Variants in PREB observed in about 807,000 individuals in gnomAD.
PREB encodes the protein guanine nucleotide-exchange factor SEC12.
Under a neutral mutation model 46.7 loss-of-function variants are expected in PREB, and 29 were observed. The ratio of observed to expected loss-of-function variants is 0.62; its 90% confidence interval spans 0.46 to 0.85. The LOEUF (loss-of-function observed/expected upper bound fraction) is 0.85. PREB is among the 40% of genes least tolerant of loss of function. The pLI is 0.00. For missense variants in PREB, 494 were observed against 528.4 expected (o/e 0.93, Z 0.64); for synonymous variants, 224 against 220.1 (o/e 1.02, Z -0.16).
chr2:27,133,310 C>T lies in PREB; in HGVS notation c.353G>A (p.Arg118Lys), dbSNP rs749692060. 6.2e-7 allele frequency: 1 copy of T among 1,614,200 alleles called. No homozygotes were observed. Among genetic ancestry groups the T allele is most frequent in the Admixed American group, 1.7e-5 (1 of 60,026 alleles). ...CTTCTCTGCTGGGGCTGCTCCCTTCCTTTGTCGAGGCCCCTGCTCCTTGGA... is the reference window on the plus strand; with the variant it reads ...CTTCTCTGCTGGGGCTGCTCCCTTCTTTTGTCGAGGCCCCTGCTCCTTGGA... ...AGSKEQGPRQ[R>K]KGAAPAEKKC... Residue 118 changes from arginine to lysine, a missense_variant, in exon 3 of 9, where the codon AGG (arginine) becomes AAG (lysine). Arg to Lys is a conservative substitution (Grantham distance 26). Transcript: ENST00000260643.
Position 27,132,456 on chromosome 2 carries a change from CAG to C in PREB, c.753-55_753-54del. 6.3e-7 allele frequency: 1 copy of C among 1,593,454 alleles called. No homozygotes were observed. Among genetic ancestry groups the C allele is most frequent in the Non-Finnish European group, 8.6e-7 (1 of 1,169,030 alleles). On this transcript the variant is annotated intron_variant, in intron 5 of 8. Transcript: ENST00000260643. The surrounding 1 kb of genome is among the most constrained non-coding windows in gnomAD (Gnocchi z 4.0). ...CTCCTAGGGCCTGCCCAACCCTCCT[CAG>C]AGGTTTGTGCACCACCTGCACCCTG...
chr2:27,133,709 G>C lies in PREB; in HGVS notation c.148C>G (p.Leu50Val). 6.2e-7 allele frequency: 1 copy of C among 1,613,926 alleles called. No individual in the cohort carries two copies. The highest frequency in any genetic ancestry group is 8.5e-7 in the Non-Finnish European group (1 of 1,179,878). The change falls in exon 2 of 9, where the codon CTA becomes GTA. Residue 50 changes from leucine (L) to valine (V), a missense_variant. Transcript: ENST00000260643. ...GIKNGVHFLQ[L>V]ELINGRLSAS... Reference sequence around the variant, plus strand: ...CTCAAGCGCCCATTAATCAGCTCTAGCTGCAGAAAGTGCTGTGGGAGGGGG... The same window carrying C: ...CTCAAGCGCCCATTAATCAGCTCTACCTGCAGAAAGTGCTGTGGGAGGGGG...
At position 27,134,624 on chromosome 2, in the gene PREB, G is replaced by A; in HGVS notation, c.-203C>T. 7.8e-7 allele frequency: 1 copy of A among 1,286,902 alleles called. No homozygotes were observed. The highest frequency in any genetic ancestry group is 2.3e-5 in the South Asian group (1 of 42,672). The allele number at this position is 1,286,902 out of a possible 1,614,324, so 79.7% of individuals were successfully genotyped here. On this transcript the variant is annotated 5_prime_UTR_variant, in exon 1 of 9. Coordinates refer to ENST00000260643, the MANE Select transcript of PREB (RefSeq NM_013388.6). ...GCTCGGCTCCGTCCAAGTCGGTCTCGCAGACGCGCACTGCGCATGCGCACC... is the reference window on the plus strand; with the variant it reads ...GCTCGGCTCCGTCCAAGTCGGTCTCACAGACGCGCACTGCGCATGCGCACC...
chr2:27,130,850 G>A lies in PREB; in HGVS notation c.*564C>T. ...CATTTTCCCATTCCTCAAGGTAAGG[G>A]TAGACTACCTAGGAACTTATTGCAT... On this transcript the variant is annotated 3_prime_UTR_variant, in exon 9 of 9. Transcript: ENST00000260643. 3.8e-6 allele frequency: 5 copies of A among 1,310,574 alleles called. No individual in the cohort carries two copies. The highest frequency in any genetic ancestry group is 4.3e-6 in the Non-Finnish European group (4 of 940,716). The allele number at this position is 1,310,574 out of a possible 1,614,324, so 81.2% of individuals were successfully genotyped here. A position where few individuals can be genotyped will look rare whatever the true frequency, so the allele number is the denominator to read the frequency against.
In PREB at chr2:27,131,145, C is replaced by G; in HGVS notation, c.*269G>C. On this transcript the variant is annotated 3_prime_UTR_variant, in exon 9 of 9. Coordinates refer to ENST00000260643, the MANE Select transcript of PREB (RefSeq NM_013388.6). ...GCTCAACTCTGGAGCCTCTGGTAGGCAGAAGAAAGGAGGCAGGGAGTATGG... is the reference window on the plus strand; with the variant it reads ...GCTCAACTCTGGAGCCTCTGGTAGGGAGAAGAAAGGAGGCAGGGAGTATGG... 1 of 539,914 alleles carries G rather than the reference C, an allele frequency of 1.9e-6. No individual in the cohort carries two copies. The highest frequency in any genetic ancestry group is 3.2e-5 in the East Asian group (1 of 31,658). 33.4% of individuals were successfully genotyped at this position (539,914 alleles called of 1,614,324 possible). A position where few individuals can be genotyped will look rare whatever the true frequency, so the allele number is the denominator to read the frequency against.
Position 27,132,469 on chromosome 2 carries a change from AC to A in PREB, c.753-67del. Reference sequence around the variant, plus strand: ...CCCAACCCTCCTCAGAGGTTTGTGCACCACCTGCACCCTGGTCAGACCTGGG... The same window carrying A: ...CCCAACCCTCCTCAGAGGTTTGTGCACACCTGCACCCTGGTCAGACCTGGG... On this transcript the variant is annotated intron_variant, in intron 5 of 8. Transcript: ENST00000260643. This position sits in a 1 kb window ranked among gnomAD's most constrained non-coding sequence, Gnocchi z 4.0. 1 of 1,589,298 alleles carries A rather than the reference AC, an allele frequency of 6.3e-7. No individual in the cohort carries two copies. Among genetic ancestry groups the A allele is most frequent in the Non-Finnish European group, 8.6e-7 (1 of 1,166,370 alleles).
chr2:27,132,311 A>G lies in PREB; in HGVS notation c.845T>C (p.Leu282Pro). ...GAAGTTGGAGCCATCCCAGGCTGTGAGGTAGCAGGGAGGGGGCTGGCGCAG... is the reference window on the plus strand; with the variant it reads ...GAAGTTGGAGCCATCCCAGGCTGTGGGGTAGCAGGGAGGGGGCTGGCGCAG... ...KRLRQPPPCY[L>P]TAWDGSNFLP... Residue 282 changes from leucine (L) to proline (P), a missense_variant, in exon 6 of 9, where the codon CTC becomes CCC. By Grantham distance (98) the Leu-to-Pro change is moderately conservative. Transcript: ENST00000260643. The surrounding 1 kb of genome is among the most constrained non-coding windows in gnomAD (Gnocchi z 4.0). The G allele has an allele frequency of 1.2e-6, 2 of 1,614,124 alleles. No homozygotes were observed. Among genetic ancestry groups the G allele is most frequent in the Non-Finnish European group, 8.5e-7 (1 of 1,179,988 alleles).
At position 27,132,858 on chromosome 2, in the gene PREB, T is replaced by TA; in HGVS notation, c.611dup (p.Leu204PhefsTer4). 2 of 1,587,514 alleles carry TA rather than the reference T, an allele frequency of 1.3e-6. No homozygotes were observed. On this transcript the variant is annotated frameshift_variant, in exon 4 of 9. Coordinates refer to ENST00000260643, the MANE Select transcript of PREB (RefSeq NM_013388.6). LOFTEE classifies it high-confidence loss of function. The surrounding 1 kb of genome is among the most constrained non-coding windows in gnomAD (Gnocchi z 4.0). ...AGCCCCTCACCTTGCCATCAGGCCC[T>TA]AAAGCCAGGTCTTCAATCTCCCCTT...
Position 27,133,713 on chromosome 2 carries a change from C to T in PREB, c.144G>A (p.Leu48=), listed in dbSNP as rs368529514. ...AGCGCCCATTAATCAGCTCTAGCTG[C>T]AGAAAGTGCTGTGGGAGGGGGAACC... The part of the protein sequence containing the change: ...KTGIKNGVHF[L]QLELINGRLS... The change falls in exon 2 of 9, where the codon CTG becomes CTA. Residue 48 remains leucine (L), a synonymous_variant. Coordinates refer to ENST00000260643, the MANE Select transcript of PREB (RefSeq NM_013388.6). 1.1e-5 allele frequency: 17 copies of T among 1,613,584 alleles called. No individual in the cohort carries two copies. In the African/African-American group the frequency reaches 2.0e-4, roughly 19 times the overall value.
chr2:27,131,229 T>C lies in PREB; in HGVS notation c.*185A>G, dbSNP rs535866620. The C allele has an allele frequency of 5.3e-5, 33 of 623,206 alleles. No homozygotes were observed. Among genetic ancestry groups the C allele is most frequent in the African/African-American group, 4.2e-4 (23 of 54,318 alleles). The allele number at this position is 623,206 out of a possible 1,614,324, so 38.6% of individuals were successfully genotyped here. ...CCACAGATGACGAAGGCAAGGTTCC[T>C]GGGACCTGGAGTCACACAGGGCCAT... is the stretch of plus-strand genomic sequence containing the variant. On this transcript the variant is annotated 3_prime_UTR_variant, in exon 9 of 9. Coordinates refer to ENST00000260643, the MANE Select transcript of PREB (RefSeq NM_013388.6).
At chr2:27,134,232 T>C in intron 1 of PREB, 55 bp downstream of exon 1, 1 of 1,491,182 alleles carries the variant, frequency 6.7e-7, no homozygotes, top group South Asian at 1.3e-5. Flanking sequence ...CCGGCCACCC[T>C]GGAATCGCCG....
Position 27,130,791 on chromosome 2 carries a change from A to T in PREB, c.*623T>A. The stretch of plus-strand genomic sequence containing the variant: ...CAGTTCACTCTTTCCTTGTTTATTA[A>T]ATATCAACTTTTCCTGCCTAATGGG... On this transcript the variant is annotated 3_prime_UTR_variant, in exon 9 of 9. Transcript: ENST00000260643. 1 of 1,586,102 alleles carries T rather than the reference A, an allele frequency of 6.3e-7. No individual in the cohort carries two copies. The highest frequency in any genetic ancestry group is 1.7e-4 in the Middle Eastern group (1 of 5,736).
chr2:27,131,925 G>A (rs2148417736), intron 7 of PREB, 85 bp downstream of exon 7: 1 of 1,592,740 alleles, frequency 6.3e-7, no homozygotes, highest in Non-Finnish European at 8.6e-7. Flanking sequence ...CCCTCGATAG[G>A]ATGGGCCAGA....
intron 1 of PREB, 143 bp from the exon 2 acceptor site, chr2:27,133,864 T>C: frequency 4.2e-6 from 3 of 706,912 alleles, no homozygotes; most frequent in Non-Finnish European, 6.6e-6. Context: ...CATTTGGGCC[T>C]CACAAATCTA....
Position 27,133,551 on chromosome 2 carries a change from G to GC in PREB, c.305dup (p.Asn103GlnfsTer50), listed in dbSNP as rs1672375609. ...CCTCACCGGCCTTCTCTGCCTTGTT[G>GC]CCCTGCTGTTGATGTGCCTGGAAGC... On this transcript the variant is annotated frameshift_variant, in exon 2 of 9. Transcript: ENST00000260643. LOFTEE classifies it high-confidence loss of function. 1.2e-6 allele frequency: 2 copies of GC among 1,613,748 alleles called. No individual in the cohort carries two copies. The highest frequency in any genetic ancestry group is 2.7e-5 in the African/African-American group (2 of 74,930).
At position 27,134,591 on chromosome 2, in the gene PREB, G is replaced by A. The variant is rs938635935; in HGVS notation, c.-170C>T. The A allele has an allele frequency of 6.0e-6, 8 of 1,342,226 alleles. No individual in the cohort carries two copies. The highest frequency in any genetic ancestry group is 3.1e-5 in the African/African-American group (2 of 64,540). The allele number at this position is 1,342,226 out of a possible 1,614,324, so 83.1% of individuals were successfully genotyped here. ...AAACCCTGACCATCAGCAGGAAGCC[G>A]AGCCTCAGCTCGGCTCCGTCCAAGT... On this transcript the variant is annotated 5_prime_UTR_variant, in exon 1 of 9. Coordinates refer to ENST00000260643, the MANE Select transcript of PREB (RefSeq NM_013388.6).
chr2:27,133,402 ATGGCAGG>A, intron 2 of PREB, 65 bp from the exon 3 acceptor site: 1 of 1,600,108 alleles, frequency 6.2e-7, no homozygotes, highest in Non-Finnish European at 8.6e-7. Flanking sequence ...CCCTCTCTCC[ATGGCAGG>A]TGCCCATACA....
chr2:27,131,763 AC>A lies in PREB; in HGVS notation c.1067del (p.Gly356ValfsTer49). The A allele has an allele frequency of 6.2e-7, 1 of 1,613,986 alleles. No homozygotes were observed. The highest frequency in any genetic ancestry group is 8.5e-7 in the Non-Finnish European group (1 of 1,179,940). On this transcript the variant is annotated frameshift_variant, in exon 8 of 9. Coordinates refer to ENST00000260643, the MANE Select transcript of PREB (RefSeq NM_013388.6). LOFTEE classifies it high-confidence loss of function. ...GGGACCCAAGGAGCTCTGGACCACG[AC>A]CCTTCTCAGGTAGAAAGGCCACATC... ...VTDVAFLPEK[G>X]RGPELLGSHE...
intron 2 of PREB, 63 bp downstream of exon 2, chr2:27,133,469 A>T (rs1672371712): frequency 6.3e-7 from 1 of 1,592,852 alleles, no homozygotes; most frequent in Admixed American, 1.7e-5. Flanking sequence ...TTCTTTAGAG[A>T]CACCAAGAGT....
Sources: gnomAD v4.1 joint callset for allele counts on GRCh38, gnomAD v4.1.1 for gene constraint, Gnocchi (gnomAD v3.1) non-coding constraint, MANE v1.5 for transcripts, NCBI Gene and HGNC (gene_info 2026-07-23, HGNC 2026-07-21) for gene names.